The following AQP1 variants were observed in gnomAD, a reference collection of about 807,000 sequenced individuals.
The protein encoded by AQP1 is aquaporin 1 (Colton blood group).
AQP1 carries 11 observed loss-of-function variants against 19.7 expected under a neutral mutation model. The ratio of observed to expected loss-of-function variants is 0.56; its 90% CI spans 0.35 to 0.92. AQP1 has a LOEUF of 0.92. Among genes scored for constraint, AQP1 ranks in the 40% least tolerant of loss-of-function variants. AQP1 has a pLI of 0.01. For missense variants in AQP1, 320 were observed against 369.7 expected (o/e 0.87, Z 1.10); for synonymous variants, 159 against 166.7 (o/e 0.95, Z 0.36).
intron 3 of AQP1, among the ~76,000 whole-genome samples, 154 bp downstream of exon 3, chr7:30,922,798 TG>T (rs28362737): frequency 0.22 from 33,415 of 152,136 alleles, 3,885 homozygotes; most frequent in Middle Eastern, 0.33. Flanking sequence ...AGAGGCAGGC[TG>T]GGGGTCACAC....
chr7:30,922,757 C>A, intron 3 of AQP1, 113 bp downstream of exon 3: 1 of 1,087,720 alleles, frequency 9.2e-7, no homozygotes, highest in South Asian at 1.3e-5. Flanking sequence ...AGCCAGAGGA[C>A]AGGAAATCAG....
chr7:30,916,264 C>T (rs998377113), intron 1 of AQP1, among the ~76,000 whole-genome samples: 3 of 152,230 alleles, frequency 2.0e-5, no homozygotes, highest in Non-Finnish European at 4.4e-5. Context: ...CCTCCTGTCA[C>T]ACCTTGCCTT....
intron 1 of AQP1, chr7:30,913,502 G>T (rs531291569): frequency 1.5e-4 from 23 of 152,472 alleles, no homozygotes; most frequent in African/African-American, 5.3e-4. Context: ...GCATGTGGGT[G>T]TGGGGACGGT....
chr7:30,917,131 G>A (rs1192780651), intron 1 of AQP1, among the ~76,000 whole-genome samples: 3 of 152,250 alleles, frequency 2.0e-5, no homozygotes, highest in Non-Finnish European at 1.5e-5. Context: ...CCACAGAGGC[G>A]TGGAGACTTG....
chr7:30,922,244 C>T lies in AQP1; in HGVS notation c.549+14C>T. ...CACCTCCTGGCTGTGAGTCAGGGGC[C>T]CTCCCAGATGGAGGTGGGGGAAGGG... On this transcript the variant is annotated intron_variant, in intron 2 of 3. Transcript: ENST00000311813. 1.3e-6 allele frequency: 2 copies of T among 1,584,620 alleles called. No homozygotes were observed. Among genetic ancestry groups the T allele is most frequent in the Non-Finnish European group, 1.7e-6 (2 of 1,170,784 alleles).
At position 30,923,575 on chromosome 7, in the gene AQP1, G is replaced by T. The variant is rs764513622; in HGVS notation, c.756G>T (p.Glu252Asp). The T allele has an allele frequency of 3.1e-6, 5 of 1,602,118 alleles. No individual in the cohort carries two copies. Among genetic ancestry groups the T allele is most frequent in the Non-Finnish European group, 4.3e-6 (5 of 1,172,810 alleles). ...TGTGGACCAGCGGCCAGGTGGAGGA[G>T]TATGACCTGGATGCCGACGACATCA... ...VKVWTSGQVE[E>D]YDLDADDINS... is the part of the protein sequence containing the mutation. Residue 252 changes from glutamate (E) to aspartate (D), a missense_variant, in exon 4 of 4, where the codon GAG becomes GAT. Glu to Asp is a conservative substitution (Grantham distance 45, BLOSUM62 2). Coordinates refer to ENST00000311813, the MANE Select transcript of AQP1 (RefSeq NM_198098.4). The surrounding 1 kb of genome is among the most constrained non-coding windows in gnomAD (Gnocchi z 4.8).
At chr7:30,921,323 G>T in intron 1 of AQP1, 1 of 1,350,222 alleles carries the variant, frequency 7.4e-7, no homozygotes, top group Non-Finnish European at 9.5e-7. Context: ...GGAGTAAGTG[G>T]CAGCCAGACG....
rs1791188175 is a variant in AQP1 at position 30,912,299 on chromosome 7, T to TGG, written c.384+9_384+10dup. 4 of 1,598,706 alleles carry TGG rather than the reference T, an allele frequency of 2.5e-6. No homozygotes were observed. In the Admixed American group the frequency reaches 5.0e-5, roughly 20 times the overall value. ...ACTCGCTTGGCCGCAATGACGTGAG[T>TGG]GGGGTGTCCCTGGGCTTGGGGGGGT... On this transcript the variant is annotated splice_region_variant and intron_variant, in intron 1 of 3. Transcript: ENST00000311813. This position sits in a 1 kb window ranked among gnomAD's most constrained non-coding sequence, Gnocchi z 4.3.
rs573152633 is a variant in AQP1 at position 30,922,003 on chromosome 7, G to A, written c.385-63G>A. On this transcript the variant is annotated intron_variant, in intron 1 of 3. Transcript: ENST00000311813. ...GCCTGGGAGGCCTGGGTATCCTTGG[G>A]GTCCTGGGACACAGTCCCTGCCTAC... 17 of 1,606,548 alleles carry A rather than the reference G, an allele frequency of 1.1e-5. No homozygotes were observed. In the South Asian group the frequency reaches 1.5e-4, roughly 15 times the overall value.
chr7:30,924,135 C>G lies in AQP1; in HGVS notation c.*506C>G, dbSNP rs1791616497. 13 of 1,188,496 alleles carry G rather than the reference C, an allele frequency of 1.1e-5. No homozygotes were observed. In the South Asian group the frequency reaches 2.0e-4, roughly 18 times the overall value. The allele number at this position is 1,188,496 out of a possible 1,614,324, so 73.6% of individuals were successfully genotyped here. A position where few individuals can be genotyped will look rare whatever the true frequency, so the allele number is the denominator to read the frequency against. ...GGGGGCAAGCTTTGCTCCTTCAGTT[C>G]TGCTTGCTCCCAAGCCCCTGACCCG... On this transcript the variant is annotated 3_prime_UTR_variant, in exon 4 of 4. Coordinates refer to ENST00000311813, the MANE Select transcript of AQP1 (RefSeq NM_198098.4).
Position 30,923,049 on chromosome 7 carries a change from A to G in AQP1, c.631-401A>G, listed in dbSNP as rs1791570090. On this transcript the variant is annotated intron_variant, in intron 3 of 3. Coordinates refer to ENST00000311813, the MANE Select transcript of AQP1 (RefSeq NM_198098.4). The surrounding 1 kb of genome is among the most constrained non-coding windows in gnomAD (Gnocchi z 4.8). The stretch of plus-strand genomic sequence containing the variant: ...GAGAAGAGGAAAGGGCTCACTCCCC[A>G]TCTGTAAACTGAGCTCAACACAGAG... Among the ~76,000 whole-genome samples the G allele has an allele frequency of 6.6e-6, 1 of 152,190 alleles. No homozygotes were observed.
intron 3 of AQP1, among the ~76,000 whole-genome samples, chr7:30,922,891 C>T (rs1423249300): frequency 6.6e-6 from 1 of 152,214 alleles, no homozygotes; most frequent in Non-Finnish European, 1.5e-5. Flanking sequence ...TTCCCAGCTG[C>T]GTGGTTAAAA....
Position 30,923,804 on chromosome 7 carries a change from C to G in AQP1, c.*175C>G. The G allele has an allele frequency of 2.0e-6, 3 of 1,520,132 alleles. No individual in the cohort carries two copies. Among genetic ancestry groups the G allele is most frequent in the Non-Finnish European group, 1.8e-6 (2 of 1,133,138 alleles). 94.2% of individuals were successfully genotyped at this position (1,520,132 alleles called of 1,614,324 possible). ...TGGGGGTGTTTCTATCTCTTTCTTTCTCTTTCTGTTTCCTGGCCTCAGAGC... is the reference window on the plus strand; with the variant it reads ...TGGGGGTGTTTCTATCTCTTTCTTTGTCTTTCTGTTTCCTGGCCTCAGAGC... On this transcript the variant is annotated 3_prime_UTR_variant, in exon 4 of 4. Transcript: ENST00000311813. The surrounding 1 kb of genome is among the most constrained non-coding windows in gnomAD (Gnocchi z 4.8).
intron 1 of AQP1, among the ~76,000 whole-genome samples, chr7:30,915,616 C>T (rs1471643565): frequency 6.6e-6 from 1 of 152,084 alleles, no homozygotes; most frequent in Non-Finnish European, 1.5e-5. Context: ...GGTCTGGATT[C>T]CCAGAGCCTG....
rs1791597550 is a variant in AQP1, at chr7:30,923,761, G to A, written c.*132G>A. The A allele has an allele frequency of 1.3e-6, 2 of 1,504,512 alleles. No individual in the cohort carries two copies. Among genetic ancestry groups the A allele is most frequent in the Non-Finnish European group, 1.8e-6 (2 of 1,123,030 alleles). 93.2% of individuals were successfully genotyped at this position (1,504,512 alleles called of 1,614,324 possible). ...CACTTCCCCAAGATCTGCCAGACCT[G>A]CATGGTCAAGCCTCTTATGGGGGTG... On this transcript the variant is annotated 3_prime_UTR_variant, in exon 4 of 4. Coordinates refer to ENST00000311813, the MANE Select transcript of AQP1 (RefSeq NM_198098.4). The surrounding 1 kb of genome is among the most constrained non-coding windows in gnomAD (Gnocchi z 4.8).
At chr7:30,922,539 C>A in intron 2 of AQP1, 25 bp from the exon 3 acceptor site, 1 of 1,605,566 alleles carries the variant, frequency 6.2e-7, no homozygotes, top group Non-Finnish European at 8.5e-7. Context: ...GCCTTCGCCC[C>A]TCCCTCTGTT....
Position 30,923,985 on chromosome 7 carries a change from G to T in AQP1, c.*356G>T. On this transcript the variant is annotated 3_prime_UTR_variant, in exon 4 of 4. Transcript: ENST00000311813. The surrounding 1 kb of genome is among the most constrained non-coding windows in gnomAD (Gnocchi z 4.8). ...CAAAGTTGCTCACCGACTCACCTGC[G>T]CAAGTGCCTGGGATTCTACCGTAAT... 1 of 1,380,322 alleles carries T rather than the reference G, an allele frequency of 7.2e-7. No individual in the cohort carries two copies. The highest frequency in any genetic ancestry group is 9.6e-7 in the Non-Finnish European group (1 of 1,041,722). The allele number at this position is 1,380,322 out of a possible 1,614,324, so 85.5% of individuals were successfully genotyped here.
chr7:30,920,266 G>A (rs956170330), intron 1 of AQP1, among the ~76,000 whole-genome samples: 3 of 152,150 alleles, frequency 2.0e-5, no homozygotes, highest in African/African-American at 4.8e-5. Context: ...ACCCTGGAGA[G>A]CAGAAGAGAG....
intron 1 of AQP1, among the ~76,000 whole-genome samples, chr7:30,915,365 C>T (rs1040795492): frequency 5.3e-5 from 8 of 149,706 alleles, no homozygotes; most frequent in East Asian, 1.9e-4. Flanking sequence ...AGGGCGGGCC[C>T]GGGAACTTTT....
Sources: gnomAD v4.1 joint callset for allele counts (sites outside exome capture counted in the v4.1 genomes callset) on GRCh38, gnomAD v4.1.1 for gene constraint, Gnocchi (gnomAD v3.1) non-coding constraint, MANE v1.5 for transcripts, NCBI Gene and HGNC (gene_info 2026-07-23, HGNC 2026-07-21) for gene names.